The following MYT1L variants were observed in gnomAD, a reference collection of about 807,000 sequenced individuals.
MYT1L encodes myelin transcription factor 1 like.
MYT1L carries 12 observed loss-of-function variants against 126.7 expected under a neutral mutation model. That is an observed-to-expected ratio of 0.09 (90% CI 0.06 to 0.15). The LOEUF (loss-of-function observed/expected upper bound fraction) is 0.15, where lower values mean the gene tolerates loss of function less well. MYT1L is among the 10% of genes least tolerant of loss of function. The pLI is 1.00. For missense variants in MYT1L, 979 were observed against 1,585.2 expected, an observed-to-expected ratio of 0.62 and a Z score of 6.49; for synonymous variants, 541 against 604.2, an observed-to-expected ratio of 0.90 and a Z score of 1.53.
chr2:1,808,562 C>T (rs1007941004), intron 22 of MYT1L, among the ~76,000 whole-genome samples: 2 of 152,212 alleles, frequency 1.3e-5, no homozygotes, highest in South Asian at 4.1e-4. Flanking sequence ...CCCCAGTTTT[C>T]CTCTGCAGAA....
intron 10 of MYT1L, among the ~76,000 whole-genome samples, chr2:1,919,418 GA>G (rs572915893): frequency 4.0e-5 from 6 of 151,654 alleles, no homozygotes; most frequent in Admixed American, 1.3e-4. Context: ...ACAACTTACA[GA>G]AAAAAAAAGT....
chr2:2,104,673 C>A (rs1242521604), intron 3 of MYT1L, among the ~76,000 whole-genome samples: 2 of 152,240 alleles, frequency 1.3e-5, no homozygotes, highest in African/African-American at 4.8e-5. Flanking sequence ...GCTCACTGGC[C>A]ATCCCTCTCC....
intron 4 of MYT1L, among the ~76,000 whole-genome samples, chr2:2,004,643 A>ATTCTTTCCTGCGTGCC (rs766133558): frequency 5.9e-4 from 60 of 101,974 alleles, no homozygotes; most frequent in East Asian, 1.6e-3. Flanking sequence ...TCCTGCAGGC[A>ATTCTTTCCTGCGTGCC]TTCTTTCCTG....
chr2:2,129,553 A>G (rs2082104770), intron 3 of MYT1L, among the ~76,000 whole-genome samples: 1 of 152,306 alleles, frequency 6.6e-6, no homozygotes, highest in Admixed American at 6.5e-5. Context: ...ACAGGAGAGA[A>G]CACAGCCAGC....
chr2:2,304,811 C>T (rs2095837695), intron 1 of MYT1L, among the ~76,000 whole-genome samples: 1 of 152,150 alleles, frequency 6.6e-6, no homozygotes, highest in South Asian at 2.1e-4. Context: ...TATGGGTACC[C>T]TCTAGTGTAC....
chr2:2,047,672 T>C (rs891861991), intron 4 of MYT1L, among the ~76,000 whole-genome samples: 174 of 152,340 alleles, frequency 1.1e-3, no homozygotes, highest in African/African-American at 3.8e-3. Context: ...AGAAGGATGA[T>C]TGATCTAAGC....
intron 2 of MYT1L, among the ~76,000 whole-genome samples, chr2:2,221,883 T>C (rs1351335316): frequency 1.3e-5 from 2 of 152,222 alleles, no homozygotes; most frequent in Admixed American, 6.5e-5. Context: ...GTCCAGTCAC[T>C]AGCCCCTCTG....
At chr2:2,225,506 G>A (rs2093985522) in intron 2 of MYT1L, among the ~76,000 whole-genome samples, 1 of 152,196 alleles carries the variant, frequency 6.6e-6, no homozygotes, top group Admixed American at 6.5e-5. Context: ...CTGGTTGGGA[G>A]TGGTCTAAAA....
chr2:2,145,280 C>T (rs1228379993), intron 3 of MYT1L, among the ~76,000 whole-genome samples: 1 of 152,168 alleles, frequency 6.6e-6, no homozygotes, highest in Non-Finnish European at 1.5e-5. Context: ...GCCTCCATGG[C>T]CGTCTGGGGC....
At chr2:2,323,574 C>A (rs754027241) in intron 1 of MYT1L, among the ~76,000 whole-genome samples, 2 of 152,152 alleles carry the variant, frequency 1.3e-5, no homozygotes, top group Non-Finnish European at 2.9e-5. Context: ...ACCCATATTG[C>A]AGTAGTACAG....
chr2:2,314,678 A>G (rs1449745118), intron 1 of MYT1L, among the ~76,000 whole-genome samples: 2 of 152,172 alleles, frequency 1.3e-5, no homozygotes, highest in Non-Finnish European at 2.9e-5. Flanking sequence ...ATTAAGCTCC[A>G]CATGTATTAG....
At chr2:2,205,415 T>G (rs2093274323) in intron 2 of MYT1L, among the ~76,000 whole-genome samples, 1 of 152,214 alleles carries the variant, frequency 6.6e-6, no homozygotes, top group South Asian at 2.1e-4. Context: ...TTGATTCTAG[T>G]AGGATGTAAG....
intron 2 of MYT1L, among the ~76,000 whole-genome samples, chr2:2,241,112 T>G (rs1176886732): frequency 6.6e-6 from 1 of 152,220 alleles, no homozygotes; most frequent in Non-Finnish European, 1.5e-5. Context: ...ACCAAGAATT[T>G]TTTTTTGAAT....
Position 1,791,759 on chromosome 2 carries a change from G to A in MYT1L, c.*108C>T, listed in dbSNP as rs1185299529. 2.6e-6 allele frequency: 3 copies of A among 1,139,974 alleles called. No homozygotes were observed. Among genetic ancestry groups the A allele is most frequent in the African/African-American group, 1.6e-5 (1 of 63,636 alleles). The allele number at this position is 1,139,974 out of a possible 1,614,324, so 70.6% of individuals were successfully genotyped here. A position where few individuals can be genotyped will look rare whatever the true frequency, so the allele number is the denominator to read the frequency against. On this transcript the variant is annotated 3_prime_UTR_variant, in exon 25 of 25. Transcript: ENST00000647738. The surrounding 1 kb of genome is among the most constrained non-coding windows in gnomAD (Gnocchi z 6.0). ...TATGAAGTCTTGTAAGCATAACACT[G>A]TTTCAAATTCAAACAGAAATAAATA... is the stretch of plus-strand genomic sequence containing the variant.
rs73913255 is a variant in MYT1L, at chr2:2,208,312, G to A, written c.-420-35324C>T. Among the ~76,000 whole-genome samples, 403 of 152,216 alleles carry A rather than the reference G, an allele frequency of 2.6e-3. 2 individuals carry two copies. The highest frequency in any genetic ancestry group is 9.6e-3 in the African/African-American group (397 of 41,542). On this transcript the variant is annotated intron_variant, in intron 2 of 24. Coordinates refer to ENST00000647738, the MANE Select transcript of MYT1L (RefSeq NM_001303052.2). ...TTAAAAGTCACTTTTTAAAAAGTTC[G>A]CCATGAAATGTGGCGGTAAACGTGT...
chr2:2,303,805 A>G (rs1372769874), intron 1 of MYT1L: 3 of 152,250 alleles, frequency 2.0e-5, no homozygotes. Context: ...ATTGCCAAGG[A>G]TAGCCACCTT....
chr2:2,157,725 G>A (rs1028005590), intron 3 of MYT1L, among the ~76,000 whole-genome samples: 1 of 152,104 alleles, frequency 6.6e-6, no homozygotes, highest in Non-Finnish European at 1.5e-5. Flanking sequence ...TCTTTTATAG[G>A]ATATGCATGG....
At chr2:2,223,422 CT>C (rs1263551164) in intron 2 of MYT1L, among the ~76,000 whole-genome samples, 1 of 152,138 alleles carries the variant, frequency 6.6e-6, no homozygotes, top group Non-Finnish European at 1.5e-5. Flanking sequence ...TAGAATTGAA[CT>C]GGTCAAAAAT....
At chr2:2,109,560 A>G (rs1329341186) in intron 3 of MYT1L, among the ~76,000 whole-genome samples, 2 of 151,230 alleles carry the variant, frequency 1.3e-5, no homozygotes, top group Non-Finnish European at 3.0e-5. Flanking sequence ...AAATTTCTGG[A>G]AAAAAAAACC....
Sources: gnomAD v4.1 joint callset for allele counts (sites outside exome capture counted in the v4.1 genomes callset) on GRCh38, gnomAD v4.1.1 for gene constraint, Gnocchi (gnomAD v3.1) non-coding constraint, MANE v1.5 for transcripts, NCBI Gene and HGNC (gene_info 2026-07-23, HGNC 2026-07-21) for gene names.